Variants in VAV3 observed in about 807,000 individuals in gnomAD.
The protein encoded by VAV3 is guanine nucleotide exchange factor VAV3.
Under a neutral mutation model 131.2 loss-of-function variants are expected in VAV3, and 94 were observed. The observed-to-expected ratio is 0.72, with a 90% CI of 0.61 to 0.85. The LOEUF (loss-of-function observed/expected upper bound fraction) is 0.85. Among genes scored for constraint, VAV3 ranks in the 40% least tolerant of loss-of-function variants. VAV3 has a pLI of 0.00. For missense variants in VAV3, 939 were observed against 1,002.7 expected (o/e 0.94, Z 0.86); for synonymous variants, 349 against 342.0 (o/e 1.02, Z -0.22).
At chr1:107,632,703 T>C (rs1416062869) in intron 20 of VAV3, among the ~76,000 whole-genome samples, 1 of 152,196 alleles carries the variant, frequency 6.6e-6, no homozygotes, top group Non-Finnish European at 1.5e-5. Context: ...GTCAAACCAA[T>C]GATAGGAACT....
At chr1:107,776,235 T>C (rs1446240339) in intron 4 of VAV3, among the ~76,000 whole-genome samples, 1 of 152,180 alleles carries the variant, frequency 6.6e-6, no homozygotes, top group Non-Finnish European at 1.5e-5. Flanking sequence ...CAAATACTTA[T>C]TGAGTACCTA....
At chr1:107,645,921 A>G (rs1655706069) in intron 19 of VAV3, among the ~76,000 whole-genome samples, 1 of 152,054 alleles carries the variant, frequency 6.6e-6, no homozygotes, top group Admixed American at 6.6e-5. Flanking sequence ...ATGACAACTC[A>G]GTCATTGTTG....
intron 25 of VAV3, among the ~76,000 whole-genome samples, chr1:107,582,045 T>A (rs1040401126): frequency 1.3e-5 from 2 of 152,186 alleles, no homozygotes; most frequent in Admixed American, 6.6e-5. Flanking sequence ...CAAAAAGTTG[T>A]TAGTAAGAAT....
At chr1:107,904,089 C>T (rs1671994825) in intron 1 of VAV3, among the ~76,000 whole-genome samples, 1 of 152,162 alleles carries the variant, frequency 6.6e-6, no homozygotes, top group Admixed American at 6.5e-5. Context: ...ATTTCCTCTT[C>T]CTCCTCCATC....
intron 20 of VAV3, among the ~76,000 whole-genome samples, chr1:107,625,039 G>A (rs1037865150): frequency 6.6e-6 from 1 of 152,028 alleles, no homozygotes; most frequent in Non-Finnish European, 1.5e-5. Context: ...ATCTTGAATA[G>A]GTCATTCAAC....
At chr1:107,961,624 C>T (rs1172722000) in intron 1 of VAV3, among the ~76,000 whole-genome samples, 1 of 152,034 alleles carries the variant, frequency 6.6e-6, no homozygotes, top group East Asian at 1.9e-4. Context: ...TAATGTTTAC[C>T]TCTTTAACCT....
chr1:107,725,925 A>G (rs1342803452), intron 15 of VAV3, among the ~76,000 whole-genome samples: 1 of 152,168 alleles, frequency 6.6e-6, no homozygotes, highest in Non-Finnish European at 1.5e-5. Context: ...CCTTTCCTGA[A>G]GGCAACAAAG....
At chr1:107,602,520 T>G (rs747481089) in intron 23 of VAV3, 36 bp from the exon 24 acceptor site, 2 of 1,488,830 alleles carry the variant, frequency 1.3e-6, no homozygotes, top group Non-Finnish European at 9.0e-7. Context: ...TATAAATGTG[T>G]TTTTAATCAG....
chr1:107,770,574 G>A (rs1336943445), intron 6 of VAV3, 62 bp downstream of exon 6: 2 of 1,069,308 alleles, frequency 1.9e-6, no homozygotes, highest in East Asian at 4.8e-5. Flanking sequence ...GAAACAGTGA[G>A]TCTAATATAT....
intron 2 of VAV3, among the ~76,000 whole-genome samples, chr1:107,811,476 T>C (rs1667314790): frequency 6.6e-6 from 1 of 152,136 alleles, no homozygotes; most frequent in African/African-American, 2.4e-5. Flanking sequence ...TAATACAAAA[T>C]AAGAGAACTG....
In VAV3 at chr1:107,760,860, T is replaced by C; in HGVS notation, c.941A>G (p.Asn314Ser). 6.2e-7 allele frequency: 1 copy of C among 1,613,740 alleles called. No homozygotes were observed. The highest frequency in any genetic ancestry group is 8.5e-7 in the Non-Finnish European group (1 of 1,179,732). Residue 314 changes from asparagine (N) to serine (S), a missense_variant, in exon 10 of 27, where the codon AAT (asparagine) becomes AGT (serine). By Grantham distance (46) the Asn-to-Ser change is conservative. Coordinates refer to ENST00000370056, the MANE Select transcript of VAV3 (RefSeq NM_006113.5). ...GTCTCGAAGAGTAAATTTCCCATTA[T>C]TTGCTCTTTTGGAACATTCCTAATG... ...LKLEECSKRANNGKFTLRDLL... is the reference protein window; with the variant it reads ...LKLEECSKRASNGKFTLRDLL...
chr1:107,680,469 G>A (rs1399141297), intron 19 of VAV3, among the ~76,000 whole-genome samples: 1 of 152,104 alleles, frequency 6.6e-6, no homozygotes, highest in East Asian at 1.9e-4. Context: ...AGTTGATATA[G>A]TAATTGCTAT....
chr1:107,813,329 G>A, intron 2 of VAV3, among the ~76,000 whole-genome samples: 1 of 152,100 alleles, frequency 6.6e-6, no homozygotes, highest in Admixed American at 6.6e-5. Context: ...TTCTAGACAG[G>A]AGACAGCATG....
At chr1:107,832,388 G>T (rs17020148) in intron 2 of VAV3, among the ~76,000 whole-genome samples, 3 of 152,146 alleles carry the variant, frequency 2.0e-5, no homozygotes, top group African/African-American at 7.2e-5. Flanking sequence ...GATAAGAACA[G>T]GAAGAACCTT....
chr1:107,901,488 G>T (rs2101089249), intron 1 of VAV3, among the ~76,000 whole-genome samples: 1 of 152,264 alleles, frequency 6.6e-6, no homozygotes, highest in African/African-American at 2.4e-5. Context: ...AGATGCAGTG[G>T]TTAACAACTA....
intron 20 of VAV3, among the ~76,000 whole-genome samples, chr1:107,629,812 T>C (rs1418012177): frequency 6.6e-6 from 1 of 152,162 alleles, no homozygotes; most frequent in Non-Finnish European, 1.5e-5. Context: ...ACAGACTAAA[T>C]TAATAGCTAT....
At chr1:107,667,757 A>G (rs886875724) in intron 19 of VAV3, among the ~76,000 whole-genome samples, 2 of 152,196 alleles carry the variant, frequency 1.3e-5, no homozygotes, top group Non-Finnish European at 2.9e-5. Context: ...AGCAGCATTT[A>G]TTACATTAGT....
chr1:107,888,209 G>C (rs922382277), intron 1 of VAV3, among the ~76,000 whole-genome samples: 1 of 152,152 alleles, frequency 6.6e-6, no homozygotes, highest in East Asian at 1.9e-4. Context: ...GTAATCTGTA[G>C]TGCAACTAAA....
At chr1:107,845,535 G>A (rs551469553) in intron 2 of VAV3, among the ~76,000 whole-genome samples, 6 of 151,956 alleles carry the variant, frequency 3.9e-5, no homozygotes, top group Non-Finnish European at 8.8e-5. Flanking sequence ...CCAAATGCAA[G>A]GAAGCTAAGA....
Sources: gnomAD v4.1 joint callset for allele counts (sites outside exome capture counted in the v4.1 genomes callset) on GRCh38, gnomAD v4.1.1 for gene constraint, MANE v1.5 for transcripts, NCBI Gene and HGNC (gene_info 2026-07-23, HGNC 2026-07-21) for gene names.